MAST4: variants seen among roughly 807,000 people sequenced by gnomAD.
MAST4 encodes the protein microtubule-associated serine/threonine-protein kinase 4.
A neutral mutation model predicts 162.7 loss-of-function variants in MAST4; 89 were observed. The observed-to-expected ratio is 0.55, with a 90% CI of 0.46 to 0.65. The LOEUF (loss-of-function observed/expected upper bound fraction) is 0.65. Among genes scored for constraint, MAST4 ranks in the 30% least tolerant of loss-of-function variants. The pLI is 0.00. For synonymous variants in MAST4, 1,479 were observed against 1,361.1 expected, an observed-to-expected ratio of 1.09 and a Z score of -1.91; for missense variants, 3,153 against 3,374.0, an observed-to-expected ratio of 0.93 and a Z score of 1.62.
chr5:66,783,646 T>C (rs566341217), intron 2 of MAST4, among the ~76,000 whole-genome samples: 1 of 152,152 alleles, frequency 6.6e-6, no homozygotes, highest in Non-Finnish European at 1.5e-5. Context: ...ACCTTTGGTC[T>C]TGTTACCAAG....
intron 1 of MAST4, among the ~76,000 whole-genome samples, chr5:66,674,270 A>C (rs765235503): frequency 6.6e-6 from 1 of 152,196 alleles, no homozygotes; most frequent in Non-Finnish European, 1.5e-5. Context: ...AAAAGGTAGT[A>C]AGGCATGAGA....
intron 2 of MAST4, among the ~76,000 whole-genome samples, chr5:66,772,802 G>T (rs1372667018): frequency 6.6e-6 from 1 of 152,178 alleles, no homozygotes; most frequent in Non-Finnish European, 1.5e-5. Flanking sequence ...CATCTGTAAA[G>T]TGAGTGCATT....
intron 4 of MAST4, among the ~76,000 whole-genome samples, chr5:67,034,856 CTA>C (rs1413942180): frequency 1.3e-5 from 2 of 152,080 alleles, no homozygotes; most frequent in Non-Finnish European, 2.9e-5. Context: ...ATTGTGTGCT[CTA>C]TGTGGATTTT....
intron 5 of MAST4, among the ~76,000 whole-genome samples, chr5:67,059,802 T>C (rs1759322628): frequency 6.6e-6 from 1 of 152,144 alleles, no homozygotes; most frequent in African/African-American, 2.4e-5. Flanking sequence ...TCTGTCTATG[T>C]GTATATATAG....
intron 1 of MAST4, among the ~76,000 whole-genome samples, chr5:66,633,311 C>T (rs1202887795): frequency 1.3e-5 from 2 of 152,138 alleles, no homozygotes; most frequent in East Asian, 3.8e-4. Flanking sequence ...TCAACACTAC[C>T]ACCTCCAGGT....
At chr5:66,632,932 CAT>C in intron 1 of MAST4, among the ~76,000 whole-genome samples, 1 of 152,184 alleles carries the variant, frequency 6.6e-6, no homozygotes, top group East Asian at 1.9e-4. Flanking sequence ...TATACACACT[CAT>C]GTAAATTTAG....
At chr5:67,078,776 T>TTATATTTATCTAAATATATA (rs1762042685) in intron 5 of MAST4, among the ~76,000 whole-genome samples, 1 of 128,904 alleles carries the variant, frequency 7.8e-6, no homozygotes, top group African/African-American at 3.0e-5. Flanking sequence ...ATATATATAT[T>TTATATTTATCTAAATATATA]TATTTATATT....
intron 1 of MAST4, among the ~76,000 whole-genome samples, chr5:66,623,670 A>G (rs1019545658): frequency 1.3e-5 from 2 of 152,258 alleles, no homozygotes; most frequent in South Asian, 2.1e-4. Context: ...GCTATAATCA[A>G]TGGGCTAAAA....
intron 4 of MAST4, among the ~76,000 whole-genome samples, chr5:66,901,474 T>C (rs1012254991): frequency 6.6e-6 from 1 of 152,136 alleles, no homozygotes; most frequent in Non-Finnish European, 1.5e-5. Context: ...TGTGAAAATA[T>C]GTGATAAGGA....
At chr5:66,727,276 G>A (rs1200197260) in intron 1 of MAST4, among the ~76,000 whole-genome samples, 1 of 152,018 alleles carries the variant, frequency 6.6e-6, no homozygotes, top group African/African-American at 2.4e-5. Flanking sequence ...TTTACCTTAT[G>A]GTAGCATACT....
intron 4 of MAST4, among the ~76,000 whole-genome samples, chr5:66,997,373 T>A (rs1002948183): frequency 1.3e-5 from 2 of 152,018 alleles, no homozygotes; most frequent in Non-Finnish European, 2.9e-5. Flanking sequence ...TATCTTTTTT[T>A]AATCTTTACC....
chr5:67,119,016 A>G (rs2150945014), intron 13 of MAST4, among the ~76,000 whole-genome samples: 1 of 152,338 alleles, frequency 6.6e-6, no homozygotes, highest in East Asian at 1.9e-4. Context: ...AAGAAGGGGC[A>G]AAAGGAACAT....
intron 5 of MAST4, among the ~76,000 whole-genome samples, chr5:67,058,256 T>C (rs1759101159): frequency 6.6e-6 from 1 of 152,130 alleles, no homozygotes; most frequent in Admixed American, 6.5e-5. Context: ...TCAAAAACCT[T>C]TTTTAATTGA....
intron 4 of MAST4, among the ~76,000 whole-genome samples, chr5:67,019,300 G>A (rs2150380466): frequency 1.3e-5 from 2 of 152,278 alleles, no homozygotes; most frequent in South Asian, 4.1e-4. Flanking sequence ...GTGGAGATGG[G>A]CCCATTGACA....
At chr5:66,942,026 C>T (rs1057477452) in intron 4 of MAST4, among the ~76,000 whole-genome samples, 2 of 151,956 alleles carry the variant, frequency 1.3e-5, no homozygotes, top group African/African-American at 4.8e-5. Context: ...GATCATTGAT[C>T]ATAGATTATC....
chr5:67,127,364 G>A (rs996456040), intron 14 of MAST4, among the ~76,000 whole-genome samples: 1 of 152,174 alleles, frequency 6.6e-6, no homozygotes, highest in Non-Finnish European at 1.5e-5. Flanking sequence ...GTTATTGGCT[G>A]TGGGTTTGTC....
intron 4 of MAST4, among the ~76,000 whole-genome samples, chr5:66,975,067 A>G (rs185860954): frequency 9.2e-5 from 14 of 152,284 alleles, no homozygotes; most frequent in Admixed American, 4.6e-4. Flanking sequence ...GATTATCTCA[A>G]TAGTTCCTAA....
intron 27 of MAST4, among the ~76,000 whole-genome samples, chr5:67,162,128 A>G (rs573798452): frequency 8.5e-5 from 13 of 152,292 alleles, no homozygotes; most frequent in East Asian, 3.9e-4. Context: ...AGAGCCCACA[A>G]TGGAATAAGC....
chr5:67,031,813 A>G (rs545722929), intron 4 of MAST4, among the ~76,000 whole-genome samples: 4 of 152,228 alleles, frequency 2.6e-5, no homozygotes, highest in South Asian at 4.1e-4. Flanking sequence ...TGACCTATTC[A>G]TAGGTCAGGA....
Sources: gnomAD v4.1 joint callset for allele counts (sites outside exome capture counted in the v4.1 genomes callset) on GRCh38, gnomAD v4.1.1 for gene constraint, MANE v1.5 for transcripts, NCBI Gene and HGNC (gene_info 2026-07-23, HGNC 2026-07-21) for gene names.